CDS1: variants seen among roughly 807,000 people sequenced by gnomAD.
CDS1 encodes CDP-diacylglycerol synthase 1.
Under a neutral mutation model 62.1 loss-of-function variants are expected in CDS1, and 41 were observed. The observed-to-expected ratio is 0.66, with a 90% CI of 0.51 to 0.86. The LOEUF (loss-of-function observed/expected upper bound fraction) is 0.86, where lower values mean the gene tolerates loss of function less well. Among genes scored for constraint, CDS1 ranks in the 40% least tolerant of loss-of-function variants. The pLI is 0.00. For missense variants in CDS1, 470 were observed against 550.1 expected (o/e 0.85, Z 1.46); for synonymous variants, 185 against 192.6 (o/e 0.96, Z 0.32).
At chr4:84,647,873 A>G (rs1301017142) in intron 12 of CDS1, among the ~76,000 whole-genome samples, 2 of 152,216 alleles carry the variant, frequency 1.3e-5, no homozygotes, top group African/African-American at 4.8e-5. Flanking sequence ...ATTTACCCAC[A>G]TAAATGTCTT....
intron 5 of CDS1, among the ~76,000 whole-genome samples, chr4:84,624,147 G>A (rs992777550): frequency 7.3e-5 from 11 of 151,642 alleles, no homozygotes; most frequent in East Asian, 1.9e-4. Context: ...GGTGGTGGGC[G>A]CCTATAGTCC....
At chr4:84,587,422 TC>T (rs1451512272) in intron 1 of CDS1, among the ~76,000 whole-genome samples, 1 of 152,118 alleles carries the variant, frequency 6.6e-6, no homozygotes, top group Middle Eastern at 3.2e-3. Context: ...GTTAGGAATA[TC>T]CCCATTTAAT....
chr4:84,611,091 T>A (rs1723305899), intron 3 of CDS1, among the ~76,000 whole-genome samples: 1 of 152,094 alleles, frequency 6.6e-6, no homozygotes, highest in African/African-American at 2.4e-5. Flanking sequence ...ATCAACAAGG[T>A]AAAGGATGGA....
At chr4:84,633,552 A>T (rs373916995) in intron 6 of CDS1, among the ~76,000 whole-genome samples, 54 of 152,356 alleles carry the variant, frequency 3.5e-4, no homozygotes, top group East Asian at 3.5e-3. Context: ...TCTCATCATC[A>T]CTTAAATCTA....
chr4:84,632,613 G>T (rs917725916), intron 6 of CDS1, among the ~76,000 whole-genome samples: 1 of 152,110 alleles, frequency 6.6e-6, no homozygotes, highest in South Asian at 2.1e-4. Flanking sequence ...AGCATGAAGA[G>T]TAAAATTCTT....
At chr4:84,636,483 A>G (rs1253321708) in intron 8 of CDS1, among the ~76,000 whole-genome samples, 4 of 152,180 alleles carry the variant, frequency 2.6e-5, no homozygotes, top group African/African-American at 9.6e-5. Context: ...ATCATTTTCT[A>G]GAACTGATTT....
At position 84,634,890 on chromosome 4, in the gene CDS1, GA is replaced by G. The variant is rs1724130003; in HGVS notation, c.723-371del. ...TTTATCAGATTATGTTCTGTCTAAAGAAATGACTCATTTTCATATTAAAAGG... is the reference window on the plus strand; with the variant it reads ...TTTATCAGATTATGTTCTGTCTAAAGAATGACTCATTTTCATATTAAAAGG... On this transcript the variant is annotated intron_variant, in intron 7 of 12. Coordinates refer to ENST00000295887, the MANE Select transcript of CDS1 (RefSeq NM_001263.4). 2.6e-5 allele frequency among the ~76,000 whole-genome samples: 4 copies of G among 152,066 alleles called. 1 individual carries two copies. The highest frequency in any genetic ancestry group is 5.9e-5 in the Non-Finnish European group (4 of 67,986).
At chr4:84,636,367 G>C (rs970384777) in intron 8 of CDS1, among the ~76,000 whole-genome samples, 7 of 152,112 alleles carry the variant, frequency 4.6e-5, no homozygotes, top group African/African-American at 1.4e-4. Flanking sequence ...ATGTTGTTTT[G>C]CTATAGAATT....
At chr4:84,618,450 A>G (rs1723568654) in intron 4 of CDS1, among the ~76,000 whole-genome samples, 1 of 152,260 alleles carries the variant, frequency 6.6e-6, no homozygotes, top group Non-Finnish European at 1.5e-5. Flanking sequence ...ATTATTAAGA[A>G]GAGAAGATAA....
At chr4:84,640,066 C>G (rs1024358260) in intron 9 of CDS1, among the ~76,000 whole-genome samples, 26 of 148,964 alleles carry the variant, frequency 1.7e-4, no homozygotes, top group Non-Finnish European at 1.3e-4. Context: ...AGGAGCTACC[C>G]CATAAGCATG....
At chr4:84,635,184 A>C in intron 7 of CDS1, 80 bp from the exon 8 acceptor site, 1 of 704,808 alleles carries the variant, frequency 1.4e-6, no homozygotes, top group Non-Finnish European at 2.4e-6. Flanking sequence ...GTTCATTATG[A>C]ATCATAACCT....
chr4:84,634,036 A>G (rs1030804354), intron 7 of CDS1, 97 bp downstream of exon 7: 20 of 631,488 alleles, frequency 3.2e-5, no homozygotes, highest in Non-Finnish European at 4.2e-5. Context: ...ACTAAAATGT[A>G]CTGTTTGTTG....
At position 84,583,170 on chromosome 4, in the gene CDS1, T is replaced by A. The variant is rs1015029354; in HGVS notation, c.-232T>A. 2.3e-6 allele frequency: 1 copy of A among 440,148 alleles called. No homozygotes were observed. The highest frequency in any genetic ancestry group is 4.0e-6 in the Non-Finnish European group (1 of 247,736). 27.3% of individuals were successfully genotyped at this position (440,148 alleles called of 1,614,324 possible). On this transcript the variant is annotated 5_prime_UTR_variant, in exon 1 of 13. Coordinates refer to ENST00000295887, the MANE Select transcript of CDS1 (RefSeq NM_001263.4). ...TGGCGCCCGGAGCCTGCCCGGGACC[T>A]CCGCCGGAGCCGCGCTCGCTGCAGG...
At position 84,599,393 on chromosome 4, in the gene CDS1, G is replaced by GAC. The variant is rs372134066; in HGVS notation, c.118-4838_118-4837dup. ...TAGCAAATATAATTTGGCAAATTTT[G>GAC]ACACACACACACATATATATATATA... On this transcript the variant is annotated intron_variant, in intron 1 of 12. Transcript: ENST00000295887. Among the ~76,000 whole-genome samples the GAC allele has an allele frequency of 6.4e-3, 340 of 53,088 alleles. 2 individuals carry two copies. The highest frequency in any genetic ancestry group is 0.028 in the African/African-American group (311 of 11,028). The allele number at this position is 53,088 out of a possible 152,430, so 34.8% of individuals were successfully genotyped here.
Position 84,649,891 on chromosome 4 carries a change from G to A in CDS1, c.*1205G>A, listed in dbSNP as rs558191377. 6.6e-6 allele frequency: 1 copy of A among 152,220 alleles called. No homozygotes were observed. The highest frequency in any genetic ancestry group is 2.1e-4 in the South Asian group (1 of 4,820). 9.4% of individuals were successfully genotyped at this position (152,220 alleles called of 1,614,324 possible). A position where few individuals can be genotyped will look rare whatever the true frequency, so the allele number is the denominator to read the frequency against. On this transcript the variant is annotated 3_prime_UTR_variant, in exon 13 of 13. Transcript: ENST00000295887. ...ACGAATGCCAAACCTTTCCTTTGGT[G>A]GACTGGACACTAACCAGATGAGAGT...
rs540677656 is a variant in CDS1, at chr4:84,651,007, T to A, written c.*2321T>A. 4.6e-5 allele frequency: 7 copies of A among 152,274 alleles called. No homozygotes were observed. Among genetic ancestry groups the A allele is most frequent in the African/African-American group, 1.7e-4 (7 of 41,538 alleles). 9.4% of individuals were successfully genotyped at this position (152,274 alleles called of 1,614,324 possible). ...ATGCCTAGTTGTTCCAAATTTGCTA[T>A]ATTTGGAGGTGCTCTACTGGTACTT... is the stretch of plus-strand genomic sequence containing the variant. On this transcript the variant is annotated 3_prime_UTR_variant, in exon 13 of 13. Coordinates refer to ENST00000295887, the MANE Select transcript of CDS1 (RefSeq NM_001263.4).
chr4:84,631,248 T>C (rs940833174), intron 5 of CDS1, among the ~76,000 whole-genome samples: 7 of 152,182 alleles, frequency 4.6e-5, no homozygotes. Flanking sequence ...CAGTAAATTA[T>C]TAAAGCCCTT....
chr4:84,632,287 TTGG>T, intron 6 of CDS1, among the ~76,000 whole-genome samples: 1 of 152,226 alleles, frequency 6.6e-6, no homozygotes, highest in African/African-American at 2.4e-5. Context: ...ATGTATTATC[TTGG>T]TGGTTATGGT....
At chr4:84,646,201 A>G (rs1202285817) in intron 12 of CDS1, among the ~76,000 whole-genome samples, 1 of 152,168 alleles carries the variant, frequency 6.6e-6, no homozygotes, top group Non-Finnish European at 1.5e-5. Context: ...GTAGTGTGAG[A>G]ATTTTTATAT....
Sources: gnomAD v4.1 joint callset for allele counts (sites outside exome capture counted in the v4.1 genomes callset) on GRCh38, gnomAD v4.1.1 for gene constraint, MANE v1.5 for transcripts, NCBI Gene and HGNC (gene_info 2026-07-23, HGNC 2026-07-21) for gene names.